SLC24A2: variants seen among roughly 807,000 people sequenced by gnomAD.
SLC24A2 encodes solute carrier family 24 member 2, also known as sodium/potassium/calcium exchanger 2.
In SLC24A2, 36 loss-of-function variants were observed where a neutral mutation model predicts 62.0. That is an observed-to-expected ratio of 0.58 (90% CI 0.44 to 0.77). The LOEUF is 0.77. Ranked by LOEUF, SLC24A2 falls within the 30% of genes least tolerant of loss-of-function variation. SLC24A2 has a pLI of 0.00. For missense variants in SLC24A2, 846 were observed against 817.9 expected (o/e 1.03, Z -0.42); for synonymous variants, 358 against 294.0 (o/e 1.22, Z -2.23).
At chr9:19,909,560 A>G in the SLC24A2 span, among the ~76,000 whole-genome samples, 7 of 152,248 alleles carry the variant, frequency 4.6e-5, no homozygotes, top group South Asian at 1.5e-3. Context: ...GGGACTATAA[A>G]TTATGGAGAA....
At chr9:20,164,997 G>T in the SLC24A2 span, among the ~76,000 whole-genome samples, 1 of 108,864 alleles carries the variant, frequency 9.2e-6, no homozygotes, top group Non-Finnish European at 1.8e-5. Context: ...GGTGGGGGGA[G>T]GGGGGAGGGA....
rs557354411 is a variant in SLC24A2 at position 19,738,843 on chromosome 9, G to T, written c.930+47094C>A. On this transcript the variant is annotated intron_variant, in intron 2 of 10. Coordinates refer to ENST00000341998, the MANE Select transcript of SLC24A2 (RefSeq NM_020344.4). The stretch of plus-strand genomic sequence containing the variant: ...ACATAAAAATCATATATCTAGCCAG[G>T]CGTGGTGGCTCATGCCTGTGATCCC... Among the ~76,000 whole-genome samples, 9 of 152,200 alleles carry T rather than the reference G, an allele frequency of 5.9e-5. No homozygotes were observed. The South Asian group carries it at 1.9e-3, about 32-fold the overall frequency.
At chr9:19,948,782 T>G in the SLC24A2 span, among the ~76,000 whole-genome samples, 1 of 143,180 alleles carries the variant, frequency 7.0e-6, no homozygotes, top group African/African-American at 2.6e-5. Context: ...AAGGCGGAGC[T>G]TGCAGTGAGC....
chr9:19,635,817 G>C (rs1049157184), intron 2 of SLC24A2, among the ~76,000 whole-genome samples: 5 of 152,082 alleles, frequency 3.3e-5, no homozygotes, highest in African/African-American at 1.2e-4. Context: ...CAGATGCCAC[G>C]ACATCTTTGC....
At chr9:19,647,624 G>C (rs988608078) in intron 2 of SLC24A2, among the ~76,000 whole-genome samples, 4 of 152,182 alleles carry the variant, frequency 2.6e-5, no homozygotes, top group African/African-American at 9.7e-5. Flanking sequence ...ACAGATACAA[G>C]AGAAGAACAT....
the SLC24A2 span, among the ~76,000 whole-genome samples, chr9:19,938,618 G>A: frequency 6.6e-6 from 1 of 152,062 alleles, no homozygotes; most frequent in African/African-American, 2.4e-5. Context: ...AAGTCTCCAG[G>A]TCTCTTTTCC....
At chr9:19,618,143 T>C (rs1817816870) in intron 4 of SLC24A2, among the ~76,000 whole-genome samples, 1 of 152,186 alleles carries the variant, frequency 6.6e-6, no homozygotes, top group Non-Finnish European at 1.5e-5. Context: ...TTACTATAGA[T>C]GATGAAACCA....
At chr9:19,831,780 T>G in the SLC24A2 span, among the ~76,000 whole-genome samples, 1 of 152,238 alleles carries the variant, frequency 6.6e-6, no homozygotes, top group African/African-American at 2.4e-5. Context: ...GAAACAATGT[T>G]ATTGCTTTCC....
chr9:19,744,525 A>C (rs1297021695), intron 2 of SLC24A2, among the ~76,000 whole-genome samples: 2 of 152,126 alleles, frequency 1.3e-5, no homozygotes, highest in Non-Finnish European at 2.9e-5. Flanking sequence ...GGGGTTGTTT[A>C]ACCCAAAGCA....
At chr9:19,779,818 G>C (rs1822957127) in intron 2 of SLC24A2, among the ~76,000 whole-genome samples, 1 of 152,192 alleles carries the variant, frequency 6.6e-6, no homozygotes, top group African/African-American at 2.4e-5. Context: ...CGAGCATTTT[G>C]GGAGGCCGAG....
the SLC24A2 span, among the ~76,000 whole-genome samples, chr9:20,284,531 A>ATT: frequency 7.2e-4 from 109 of 151,404 alleles, no homozygotes; most frequent in East Asian, 1.6e-3. Context: ...CTTAAAACAC[A>ATT]TTTTTTTTTG....
intron 7 of SLC24A2, among the ~76,000 whole-genome samples, chr9:19,569,685 C>T (rs1835783688): frequency 6.6e-6 from 1 of 152,124 alleles, no homozygotes; most frequent in Non-Finnish European, 1.5e-5. Flanking sequence ...CAAATCACAT[C>T]TGCTGACTTC....
intron 8 of SLC24A2, among the ~76,000 whole-genome samples, chr9:19,546,754 A>G (rs1047751496): frequency 3.3e-5 from 5 of 151,958 alleles, no homozygotes; most frequent in African/African-American, 4.8e-5. Flanking sequence ...AAACAACACA[A>G]AACTCCTGCA....
the SLC24A2 span, among the ~76,000 whole-genome samples, chr9:20,129,033 A>T: frequency 6.6e-6 from 1 of 152,088 alleles, no homozygotes; most frequent in Non-Finnish European, 1.5e-5. Context: ...TTTTCAAATA[A>T]TATCTCTCAT....
chr9:19,684,980 G>A (rs934993236), intron 2 of SLC24A2, among the ~76,000 whole-genome samples: 12 of 152,076 alleles, frequency 7.9e-5, no homozygotes, highest in African/African-American at 2.7e-4. Flanking sequence ...TCCTATATCT[G>A]ATAAATAACT....
the SLC24A2 span, among the ~76,000 whole-genome samples, chr9:20,228,521 A>T: frequency 6.6e-6 from 1 of 151,920 alleles, no homozygotes; most frequent in Non-Finnish European, 1.5e-5. Context: ...GAAAATGGGG[A>T]GGTGAAGGTG....
chr9:19,720,003 C>T (rs1034324645), intron 2 of SLC24A2, among the ~76,000 whole-genome samples: 1 of 152,094 alleles, frequency 6.6e-6, no homozygotes, highest in South Asian at 2.1e-4. Context: ...TGATATGATT[C>T]ACATAATGAA....
chr9:19,526,379 C>G (rs143568403), intron 9 of SLC24A2, among the ~76,000 whole-genome samples: 1 of 152,132 alleles, frequency 6.6e-6, no homozygotes, highest in African/African-American at 2.4e-5. Context: ...AGTGGAATTG[C>G]TAGATCATAT....
At chr9:20,299,222 G>C in the SLC24A2 span, among the ~76,000 whole-genome samples, 4 of 152,288 alleles carry the variant, frequency 2.6e-5, no homozygotes, top group Non-Finnish European at 2.9e-5. Flanking sequence ...TGGGTCCCAG[G>C]TCACAAAGGA....
Sources: gnomAD v4.1 joint callset for allele counts (sites outside exome capture counted in the v4.1 genomes callset) on GRCh38, gnomAD v4.1.1 for gene constraint, MANE v1.5 for transcripts, NCBI Gene and HGNC (gene_info 2026-07-23, HGNC 2026-07-21) for gene names.